The following TRPC4 variants were observed in gnomAD, a reference collection of about 807,000 sequenced individuals.
TRPC4 encodes the protein transient receptor potential cation channel subfamily C member 4.
TRPC4 carries 49 observed loss-of-function variants against 99.4 expected under a neutral mutation model. That is an observed-to-expected ratio of 0.49 (90% confidence interval 0.39 to 0.63). TRPC4 has a LOEUF of 0.63. Ranked by LOEUF, TRPC4 falls within the 20% of genes least tolerant of loss-of-function variation. TRPC4 has a pLI of 0.00. For synonymous variants in TRPC4, 454 were observed against 425.9 expected, an observed-to-expected ratio of 1.07 and a Z score of -0.81; for missense variants, 898 against 1,152.9, an observed-to-expected ratio of 0.78 and a Z score of 3.20.
intron 1 of TRPC4, among the ~76,000 whole-genome samples, chr13:37,834,641 G>T (rs897501261): frequency 6.6e-6 from 1 of 152,160 alleles, no homozygotes; most frequent in Non-Finnish European, 1.5e-5. Flanking sequence ...AGAACCTTTA[G>T]ATGAGTACAG....
At chr13:37,842,365 A>T (rs1020619458) in intron 1 of TRPC4, among the ~76,000 whole-genome samples, 1 of 143,756 alleles carries the variant, frequency 7.0e-6, no homozygotes, top group Non-Finnish European at 1.5e-5. Flanking sequence ...AAAAAAAAAA[A>T]AAAAAGGAAA....
At chr13:37,799,213 C>A (rs537802945) in intron 1 of TRPC4, among the ~76,000 whole-genome samples, 1 of 152,216 alleles carries the variant, frequency 6.6e-6, no homozygotes, top group South Asian at 2.1e-4. Flanking sequence ...GGATTACAGG[C>A]GTGAGCCACT....
At chr13:37,806,414 A>G (rs1005456727) in intron 1 of TRPC4, among the ~76,000 whole-genome samples, 8 of 152,112 alleles carry the variant, frequency 5.3e-5, no homozygotes, top group Non-Finnish European at 1.2e-4. Flanking sequence ...CAAGGTAATT[A>G]CTGAGTCTAG....
At chr13:37,705,452 C>CA (rs368225833) in intron 3 of TRPC4, among the ~76,000 whole-genome samples, 1 of 151,590 alleles carries the variant, frequency 6.6e-6, no homozygotes, top group Non-Finnish European at 1.5e-5. Context: ...GTTATCACCA[C>CA]AAAAAAAGAT....
intron 1 of TRPC4, among the ~76,000 whole-genome samples, chr13:37,833,435 G>C (rs1377496834): frequency 6.6e-6 from 1 of 152,142 alleles, no homozygotes; most frequent in Non-Finnish European, 1.5e-5. Context: ...TTAGGATACA[G>C]AGTTTTGCCC....
In TRPC4 at chr13:37,633,742, G is replaced by T. The variant is rs916224321; in HGVS notation, c.*3161C>A. On this transcript the variant is annotated 3_prime_UTR_variant, in exon 11 of 11. Transcript: ENST00000379705. Reference sequence around the variant, plus strand: ...CCAGTAAATAGAGTAACTAATTTAAGAAAATTTGATATACAAATATTCAAT... The same window carrying T: ...CCAGTAAATAGAGTAACTAATTTAATAAAATTTGATATACAAATATTCAAT... Among the ~76,000 whole-genome samples, 2 of 152,012 alleles carry T rather than the reference G, an allele frequency of 1.3e-5. No homozygotes were observed. The highest frequency in any genetic ancestry group is 6.6e-5 in the Admixed American group (1 of 15,258).
At chr13:37,845,630 T>C (rs1454632127) in intron 1 of TRPC4, among the ~76,000 whole-genome samples, 2 of 149,592 alleles carry the variant, frequency 1.3e-5, no homozygotes, top group East Asian at 3.9e-4. Flanking sequence ...AATAAATAAA[T>C]AAGAATGAAA....
At chr13:37,688,211 C>T (rs1359453951) in intron 4 of TRPC4, among the ~76,000 whole-genome samples, 1 of 152,146 alleles carries the variant, frequency 6.6e-6, no homozygotes, top group African/African-American at 2.4e-5. Context: ...TGAGTTCCAA[C>T]TTATTGCTGA....
At chr13:37,813,280 G>A (rs1957754925) in intron 1 of TRPC4, among the ~76,000 whole-genome samples, 1 of 151,738 alleles carries the variant, frequency 6.6e-6, no homozygotes, top group Non-Finnish European at 1.5e-5. Context: ...ATTTATATTT[G>A]TGAATGCCTG....
At chr13:37,764,812 G>A (rs1452213678) in intron 2 of TRPC4, among the ~76,000 whole-genome samples, 1 of 88,838 alleles carries the variant, frequency 1.1e-5, no homozygotes, top group Non-Finnish European at 2.3e-5. Flanking sequence ...TTTATCAAAT[G>A]CTTTTTTTTT....
intron 3 of TRPC4, among the ~76,000 whole-genome samples, chr13:37,693,283 A>G (rs555028564): frequency 3.4e-4 from 52 of 152,150 alleles, no homozygotes; most frequent in Non-Finnish European, 6.8e-4. Context: ...ACATATTTGT[A>G]TAAGTAGAAA....
At chr13:37,772,083 C>G (rs1468408741) in intron 2 of TRPC4, among the ~76,000 whole-genome samples, 1 of 151,664 alleles carries the variant, frequency 6.6e-6, no homozygotes, top group Non-Finnish European at 1.5e-5. Context: ...CCATGGACTT[C>G]CTGAAAGCTA....
At chr13:37,761,212 G>T (rs754214148) in intron 2 of TRPC4, among the ~76,000 whole-genome samples, 32 of 151,942 alleles carry the variant, frequency 2.1e-4, no homozygotes, top group Non-Finnish European at 4.3e-4. Flanking sequence ...CATGCCCTGT[G>T]TGGGGAGCTT....
intron 3 of TRPC4, among the ~76,000 whole-genome samples, chr13:37,727,772 C>T (rs1339529000): frequency 1.3e-5 from 2 of 151,922 alleles, no homozygotes; most frequent in African/African-American, 4.8e-5. Context: ...TATGAACAGT[C>T]ACATGCCAAC....
chr13:37,724,171 A>G (rs1954961662), intron 3 of TRPC4, among the ~76,000 whole-genome samples: 1 of 152,168 alleles, frequency 6.6e-6, no homozygotes, highest in Non-Finnish European at 1.5e-5. Context: ...TATTTTTCAA[A>G]GGAAAAAATA....
At chr13:37,793,033 C>G (rs1957161636) in intron 1 of TRPC4, among the ~76,000 whole-genome samples, 1 of 151,944 alleles carries the variant, frequency 6.6e-6, no homozygotes, top group Non-Finnish European at 1.5e-5. Context: ...AGTGTATTAA[C>G]AGGGAAGCGT....
At chr13:37,753,410 T>C (rs1955990927) in intron 2 of TRPC4, among the ~76,000 whole-genome samples, 1 of 152,070 alleles carries the variant, frequency 6.6e-6, no homozygotes, top group Non-Finnish European at 1.5e-5. Context: ...TATTCTAGTA[T>C]ATTTTGAAGA....
At chr13:37,714,065 TTCCC>T (rs1361689515) in intron 3 of TRPC4, among the ~76,000 whole-genome samples, 1 of 151,632 alleles carries the variant, frequency 6.6e-6, no homozygotes, top group Non-Finnish European at 1.5e-5. Context: ...CCTTCCTTCC[TTCCC>T]TCCCTCCCTT....
intron 3 of TRPC4, among the ~76,000 whole-genome samples, chr13:37,731,223 A>G (rs1290883284): frequency 1.3e-5 from 2 of 151,976 alleles, no homozygotes; most frequent in Non-Finnish European, 2.9e-5. Context: ...TTTATCCCCA[A>G]TCTCCTTGGA....
Sources: allele counts gnomAD v4.1 joint callset (sites outside exome capture counted in the v4.1 genomes callset), GRCh38; gene constraint gnomAD v4.1.1; transcripts MANE v1.5; gene names NCBI Gene and HGNC (gene_info 2026-07-23, HGNC 2026-07-21).